RELL1: variants seen among roughly 807,000 people sequenced by gnomAD.
RELL1 encodes the protein RELT-like protein 1.
Under a neutral mutation model 23.0 loss-of-function variants are expected in RELL1, and 10 were observed. The observed-to-expected ratio is 0.43, with a 90% confidence interval of 0.27 to 0.74. The LOEUF is 0.74. Among genes scored for constraint, RELL1 ranks in the 30% least tolerant of loss-of-function variants. The probability of loss-of-function intolerance (pLI) is 0.19; values close to 1 mark genes in which losing one functional copy is unlikely to be tolerated. For missense variants in RELL1, 315 were observed against 364.4 expected, an observed-to-expected ratio of 0.86 and a Z score of 1.10; for synonymous variants, 146 against 146.8, an observed-to-expected ratio of 0.99 and a Z score of 0.04.
intron 1 of RELL1, among the ~76,000 whole-genome samples, chr4:37,669,181 T>TGG (rs533323150): frequency 1.6e-4 from 13 of 80,966 alleles, no homozygotes; most frequent in African/African-American, 4.2e-4. Flanking sequence ...GGGAGGGAGG[T>TGG]GGGGGGGGGG....
At chr4:37,607,332 T>TAC (rs1482485448), downstream of RELL1, among the ~76,000 whole-genome samples, 6 of 152,322 alleles carry the variant, frequency 3.9e-5, no homozygotes, top group African/African-American at 1.2e-4. Context: ...GATGGTAACA[T>TAC]ACGGGGAAAT....
At chr4:37,638,019 AACAG>A (rs1720393963) in intron 4 of RELL1, among the ~76,000 whole-genome samples, 1 of 152,312 alleles carries the variant, frequency 6.6e-6, no homozygotes, top group Non-Finnish European at 1.5e-5. Context: ...CTTCCTCAAG[AACAG>A]ACAGTTAATA....
chr4:37,679,360 C>A lies in RELL1; in HGVS notation c.88+6840G>T, dbSNP rs549086260. Among the ~76,000 whole-genome samples, 6 of 152,244 alleles carry A rather than the reference C, an allele frequency of 3.9e-5. No individual in the cohort carries two copies. In the South Asian group the frequency reaches 1.2e-3, roughly 32 times the overall value. ...ACACTAGAGTACCAAAGTTGTACTT[C>A]TTTTTCTGAAGTGTCACTCATTTGA... On this transcript the variant is annotated intron_variant, in intron 1 of 6. Coordinates refer to ENST00000454158, the MANE Select transcript of RELL1 (RefSeq NM_001085400.2).
chr4:37,663,811 T>C (rs1577600045), intron 1 of RELL1, among the ~76,000 whole-genome samples: 1 of 152,238 alleles, frequency 6.6e-6, no homozygotes, highest in East Asian at 1.9e-4. Context: ...TTAGGTGGCT[T>C]TGTTAAACTG....
At chr4:37,661,666 TC>T (rs1721362799) in intron 1 of RELL1, among the ~76,000 whole-genome samples, 1 of 152,202 alleles carries the variant, frequency 6.6e-6, no homozygotes, top group Non-Finnish European at 1.5e-5. Flanking sequence ...AATAAAATCA[TC>T]CCCAAATTAT....
intron 1 of RELL1, among the ~76,000 whole-genome samples, chr4:37,656,466 G>A (rs1577594160): frequency 6.6e-6 from 1 of 152,132 alleles, no homozygotes. Flanking sequence ...TTAAAAATTT[G>A]TTCAGAGAGT....
chr4:37,676,955 G>T (rs1439131068), intron 1 of RELL1, among the ~76,000 whole-genome samples: 1 of 152,038 alleles, frequency 6.6e-6, no homozygotes, highest in Non-Finnish European at 1.5e-5. Context: ...AAACCTAAAG[G>T]TCTGCTCATC....
At chr4:37,683,646 T>C (rs1005875327) in intron 1 of RELL1, among the ~76,000 whole-genome samples, 1 of 151,372 alleles carries the variant, frequency 6.6e-6, no homozygotes, top group Non-Finnish European at 1.5e-5. Flanking sequence ...TAATCCCAGC[T>C]ACTAGGGAGG....
At chr4:37,646,793 T>C (rs549592908) in intron 3 of RELL1, among the ~76,000 whole-genome samples, 1 of 152,256 alleles carries the variant, frequency 6.6e-6, no homozygotes, top group African/African-American at 2.4e-5. Flanking sequence ...AGTGGTGTGA[T>C]CACAGCTCAC....
intron 6 of RELL1, among the ~76,000 whole-genome samples, chr4:37,629,602 C>T (rs536586212): frequency 4.1e-4 from 62 of 152,286 alleles, no homozygotes; most frequent in African/African-American, 1.4e-3. Flanking sequence ...TGTACTGTTT[C>T]TCTCTTTAAG....
exon 7 of RELL1, chr4:37,590,980 G>T (rs1718579672): frequency 2.5e-6 from 4 of 1,612,098 alleles, no homozygotes; most frequent in Non-Finnish European, 3.4e-6. Flanking sequence ...TGCAGGAGAA[G>T]ATTTGGATGA....
intron 1 of RELL1, among the ~76,000 whole-genome samples, chr4:37,678,248 G>C (rs1019931109): frequency 9.9e-5 from 15 of 152,170 alleles, no homozygotes; most frequent in African/African-American, 3.4e-4. Flanking sequence ...CACTTCTCAT[G>C]ATGATGCTAA....
intron 4 of RELL1, among the ~76,000 whole-genome samples, chr4:37,636,759 T>C (rs1433621588): frequency 2.0e-5 from 3 of 152,090 alleles, no homozygotes; most frequent in African/African-American, 4.8e-5. Flanking sequence ...GAGGGTGGCG[T>C]GGCACCCACA....
intron 1 of RELL1, among the ~76,000 whole-genome samples, chr4:37,651,804 C>T (rs911126525): frequency 3.3e-5 from 5 of 152,168 alleles, no homozygotes; most frequent in Non-Finnish European, 7.3e-5. Flanking sequence ...AGAACCATTC[C>T]CCCGAGCCCC....
At chr4:37,670,960 C>T (rs1721815163) in intron 1 of RELL1, among the ~76,000 whole-genome samples, 1 of 152,198 alleles carries the variant, frequency 6.6e-6, no homozygotes, top group African/African-American at 2.4e-5. Context: ...CCAGCCCCAA[C>T]GTTTTCATAT....
chr4:37,632,657 C>T (rs1170302824), intron 5 of RELL1, among the ~76,000 whole-genome samples: 1 of 151,896 alleles, frequency 6.6e-6, no homozygotes, highest in Non-Finnish European at 1.5e-5. Flanking sequence ...CTGAAGAGCC[C>T]TAGAAACACA....
intron 3 of RELL1, among the ~76,000 whole-genome samples, chr4:37,646,393 G>A (rs1227537744): frequency 6.6e-6 from 1 of 152,188 alleles, no homozygotes; most frequent in African/African-American, 2.4e-5. Context: ...GGATGACATA[G>A]AGTAGACAAA....
chr4:37,628,752 G>C (rs545544071), intron 6 of RELL1, among the ~76,000 whole-genome samples: 10 of 152,302 alleles, frequency 6.6e-5, no homozygotes, highest in African/African-American at 2.4e-4. Flanking sequence ...AAGGAAACCA[G>C]GGGTAGGGCA....
chr4:37,613,646 CT>C (rs1233550734), intron 6 of RELL1, among the ~76,000 whole-genome samples: 1 of 152,126 alleles, frequency 6.6e-6, no homozygotes, highest in Non-Finnish European at 1.5e-5. Flanking sequence ...CAATAGGTGT[CT>C]TTCTAAAGCC....
Sources: gnomAD v4.1 joint callset for allele counts (sites outside exome capture counted in the v4.1 genomes callset) on GRCh38, gnomAD v4.1.1 for gene constraint, MANE v1.5 for transcripts, NCBI Gene and HGNC (gene_info 2026-07-23, HGNC 2026-07-21) for gene names.